The following DYSF variants were observed in gnomAD, a reference collection of about 807,000 sequenced individuals.
DYSF encodes the protein dystrophy-associated fer-1-like 1.
DYSF carries 212 observed loss-of-function variants against 274.9 expected under a neutral mutation model. The observed-to-expected ratio is 0.77, with a 90% CI of 0.69 to 0.86. The LOEUF (loss-of-function observed/expected upper bound fraction) is 0.86. Ranked by LOEUF, DYSF falls within the 40% of genes least tolerant of loss-of-function variation. The probability of loss-of-function intolerance (pLI) is 0.00; values close to 1 mark genes in which losing one functional copy is unlikely to be tolerated. For missense variants in DYSF, 2,666 were observed against 2,783.2 expected, an observed-to-expected ratio of 0.96 and a Z score of 0.95; for synonymous variants, 1,091 against 1,078.7, an observed-to-expected ratio of 1.01 and a Z score of -0.22.
chr2:71,643,759 C>G (rs1442905490), intron 41 of DYSF, among the ~76,000 whole-genome samples: 1 of 152,180 alleles, frequency 6.6e-6, no homozygotes, highest in Non-Finnish European at 1.5e-5. Flanking sequence ...CCTCTCAACA[C>G]CAACCAAATG....
intron 40 of DYSF, among the ~76,000 whole-genome samples, chr2:71,619,853 G>A (rs2094052660): frequency 2.0e-5 from 3 of 152,184 alleles, no homozygotes; most frequent in Admixed American, 6.5e-5. Flanking sequence ...TCAGCCCTGA[G>A]CCCTGAGGCC....
chr2:71,626,884 C>T (rs2094216274), intron 41 of DYSF, among the ~76,000 whole-genome samples: 1 of 151,678 alleles, frequency 6.6e-6, no homozygotes, highest in African/African-American at 2.4e-5. Flanking sequence ...TTTTCTGTTT[C>T]TAAGTGAGTG....
chr2:71,456,277 CCTGGTCATCA>C (rs1368412470), intron 1 of DYSF, among the ~76,000 whole-genome samples: 1 of 152,196 alleles, frequency 6.6e-6, no homozygotes, highest in Non-Finnish European at 1.5e-5. Context: ...AGCCCCCACC[CCTGGTCATCA>C]CTGAAACCGC....
chr2:71,468,724 T>G (rs2081733152), intron 1 of DYSF, among the ~76,000 whole-genome samples: 1 of 152,190 alleles, frequency 6.6e-6, no homozygotes, highest in Admixed American at 6.5e-5. Context: ...TGGATCCCCC[T>G]GGCTCTCAAG....
chr2:71,611,772 C>A, intron 38 of DYSF, 146 bp downstream of exon 38: 1 of 1,111,084 alleles, frequency 9.0e-7, no homozygotes, highest in Non-Finnish European at 1.3e-6. Flanking sequence ...GGGAGAAATG[C>A]TCATACCCTC....
intron 14 of DYSF, among the ~76,000 whole-genome samples, 164 bp downstream of exon 14, chr2:71,528,565 T>C (rs534803414): frequency 2.0e-5 from 3 of 152,170 alleles, no homozygotes; most frequent in African/African-American, 7.2e-5. Flanking sequence ...TAGGCCCAGC[T>C]CTCAGGGACT....
chr2:71,487,878 G>T (rs1296041198), intron 3 of DYSF, among the ~76,000 whole-genome samples: 1 of 152,096 alleles, frequency 6.6e-6, no homozygotes, highest in Non-Finnish European at 1.5e-5. Flanking sequence ...AAATAGAAAT[G>T]GTCATTCTTG....
intron 40 of DYSF, 152 bp downstream of exon 40, chr2:71,613,562 C>T (rs2093817561): frequency 2.7e-6 from 2 of 754,014 alleles, no homozygotes; most frequent in African/African-American, 3.5e-5. Flanking sequence ...AGTAGAGAGA[C>T]CCAGATGGGA....
intron 41 of DYSF, among the ~76,000 whole-genome samples, chr2:71,626,592 A>G (rs1390813242): frequency 6.6e-6 from 1 of 151,834 alleles, no homozygotes; most frequent in Non-Finnish European, 1.5e-5. Flanking sequence ...ATCATGATAT[A>G]TTATCTTTTT....
Position 71,481,935 on chromosome 2 carries a change from G to A in DYSF, c.204G>A (p.Val68=). The A allele has an allele frequency of 6.2e-7, 1 of 1,614,192 alleles. No homozygotes were observed. The highest frequency in any genetic ancestry group is 1.3e-5 in the African/African-American group (1 of 75,052). The change falls in exon 3 of 56, where the codon GTG becomes GTA. Residue 68 remains valine (V), a synonymous_variant. Transcript: ENST00000410020. ...IPLDQGSELH[V]VVKDHETMGR... The stretch of plus-strand genomic sequence containing the variant: ...TGGACCAGGGCTCTGAGCTTCATGT[G>A]GTGGTCAAAGACCATGAGACGATGG...
intron 8 of DYSF, 97 bp from the exon 9 acceptor site, chr2:71,516,083 C>A: frequency 1.6e-6 from 2 of 1,233,668 alleles, no homozygotes; most frequent in Non-Finnish European, 2.4e-6. Flanking sequence ...GGGGACTAAA[C>A]TGCTAGGCGT....
At chr2:71,617,755 A>G (rs1219549370) in intron 40 of DYSF, among the ~76,000 whole-genome samples, 6 of 76,166 alleles carry the variant, frequency 7.9e-5, no homozygotes, top group Non-Finnish European at 2.5e-5. Context: ...TATGTGGGGT[A>G]GAGGTGGTGT....
At position 71,569,821 on chromosome 2, in the gene DYSF, C is replaced by T. The variant is rs777421461; in HGVS notation, c.2866C>T (p.Leu956=). 2 of 1,613,566 alleles carry T rather than the reference C, an allele frequency of 1.2e-6. No individual in the cohort carries two copies. Among genetic ancestry groups the T allele is most frequent in the South Asian group, 2.2e-5 (2 of 90,890 alleles). ...ACTCTGACCAGCCCTCCTCCACAGT[C>T]TGCTCCATGACATGGACGCCGGTCA... ...GDWFVCPEKT[L]LHDMDAGHLS... is the part of the protein sequence containing the mutation. The change falls in exon 27 of 56, where the codon CTG becomes TTG. Residue 956 remains leucine, a splice_region_variant and synonymous_variant. Transcript: ENST00000410020.
At chr2:71,534,328 G>A (rs1343522178) in intron 14 of DYSF, among the ~76,000 whole-genome samples, 1 of 152,204 alleles carries the variant, frequency 6.6e-6, no homozygotes, top group East Asian at 1.9e-4. Context: ...CTGCCCCCGT[G>A]TGTGGGTATA....
intron 14 of DYSF, among the ~76,000 whole-genome samples, chr2:71,531,797 C>T (rs2088747463): frequency 1.3e-5 from 2 of 152,108 alleles, no homozygotes; most frequent in Non-Finnish European, 2.9e-5. Context: ...AAGCTTCTGG[C>T]AGGCTTGAGT....
chr2:71,574,335 G>T lies in DYSF; in HGVS notation c.3366G>T (p.Thr1122=). The T allele has an allele frequency of 6.2e-7, 1 of 1,614,070 alleles. No homozygotes were observed. The highest frequency in any genetic ancestry group is 1.1e-5 in the South Asian group (1 of 91,084). The part of the protein sequence containing the change: ...WRRRMEPLEK[T]GPAAVFALEG... The stretch of plus-strand genomic sequence containing the variant: ...GTCGCATGGAGCCACTGGAGAAGAC[G>T]GGGCCTGCAGCTGTGTTTGCCCTTG... Residue 1122 remains threonine, a synonymous_variant, in exon 30 of 56, where the codon ACG becomes ACT. Transcript: ENST00000410020.
rs560887845 is a variant in DYSF at position 71,520,082 on chromosome 2, A to G, written c.1003-96A>G. ...TGCCTGTGTTTCCAAATGTTCTTCA[A>G]AAACATGGTTTTTAATGGAATCATA... On this transcript the variant is annotated intron_variant, in intron 10 of 55. Transcript: ENST00000410020. 200 of 1,475,780 alleles carry G rather than the reference A, an allele frequency of 1.4e-4. 2 individuals are homozygous for G. In the South Asian group the frequency reaches 1.5e-3, roughly 11 times the overall value. 91.4% of individuals were successfully genotyped at this position (1,475,780 alleles called of 1,614,324 possible).
Position 71,576,696 on chromosome 2 carries a change from C to T in DYSF, c.3402+2325C>T, listed in dbSNP as rs562652789. ...GGGCAGGAAGGCTGGAGCGGGGAGC[C>T]GAGGGGGCCGGGAGTGGGGAAGAGG... On this transcript the variant is annotated intron_variant, in intron 30 of 55. Coordinates refer to ENST00000410020, the MANE Select transcript of DYSF (RefSeq NM_001130987.2). 8.8e-4 allele frequency among the ~76,000 whole-genome samples: 134 copies of T among 152,170 alleles called. 1 individual carries two copies. Among genetic ancestry groups the T allele is most frequent in the African/African-American group, 3.2e-3 (133 of 41,530 alleles).
chr2:71,577,517 A>C (rs1443865439), intron 30 of DYSF, among the ~76,000 whole-genome samples: 2 of 100,192 alleles, frequency 2.0e-5, no homozygotes, highest in Non-Finnish European at 4.1e-5. Context: ...CCCCACTCTC[A>C]TGCAGCCCCC....
Sources: gnomAD v4.1 joint callset for allele counts (sites outside exome capture counted in the v4.1 genomes callset) on GRCh38, gnomAD v4.1.1 for gene constraint, MANE v1.5 for transcripts, NCBI Gene and HGNC (gene_info 2026-07-23, HGNC 2026-07-21) for gene names.